FUT9: variants seen among roughly 807,000 people sequenced by gnomAD.
FUT9 encodes fucosyltransferase 9.
Under a neutral mutation model 29.7 loss-of-function variants are expected in FUT9, and 15 were observed. That is an observed-to-expected ratio of 0.51 (90% CI 0.34 to 0.78). FUT9 has a LOEUF of 0.78. Among genes scored for constraint, FUT9 ranks in the 30% least tolerant of loss-of-function variants. The pLI is 0.01. For missense variants in FUT9, 319 were observed against 425.4 expected, an observed-to-expected ratio of 0.75 and a Z score of 2.20; for synonymous variants, 169 against 153.7, an observed-to-expected ratio of 1.10 and a Z score of -0.74.
intron 1 of FUT9, among the ~76,000 whole-genome samples, chr6:96,065,039 A>C (rs1389257221): frequency 6.6e-6 from 1 of 152,198 alleles, no homozygotes; most frequent in African/African-American, 2.4e-5. Flanking sequence ...CAAGAAATCT[A>C]TATTTTTAGT....
At chr6:96,183,559 G>C (rs932438130) in intron 2 of FUT9, among the ~76,000 whole-genome samples, 1 of 152,040 alleles carries the variant, frequency 6.6e-6, no homozygotes, top group Non-Finnish European at 1.5e-5. Flanking sequence ...TCCCCATTCA[G>C]TATTACATTG....
At chr6:96,199,749 A>T in intron 2 of FUT9, among the ~76,000 whole-genome samples, 1 of 152,174 alleles carries the variant, frequency 6.6e-6, no homozygotes, top group East Asian at 1.9e-4. Flanking sequence ...GTATTCATTC[A>T]TTCACATTTG....
intron 1 of FUT9, among the ~76,000 whole-genome samples, chr6:96,025,203 T>C (rs1770143061): frequency 1.3e-5 from 2 of 151,816 alleles, no homozygotes; most frequent in South Asian, 2.1e-4. Context: ...GCCTACCCAG[T>C]GCAAATCTTA....
chr6:96,084,207 C>A (rs1196363650), intron 1 of FUT9, among the ~76,000 whole-genome samples: 1 of 152,034 alleles, frequency 6.6e-6, no homozygotes, highest in African/African-American at 2.4e-5. Context: ...TCTAGAAGAT[C>A]ATATCTCTTT....
chr6:96,187,312 C>G (rs1050439490), intron 2 of FUT9, among the ~76,000 whole-genome samples: 3 of 152,102 alleles, frequency 2.0e-5, no homozygotes, highest in Non-Finnish European at 2.9e-5. Context: ...TTCAGATAGT[C>G]AGTTTTCCAA....
chr6:96,180,014 A>G (rs1773276450), intron 2 of FUT9, among the ~76,000 whole-genome samples: 1 of 152,124 alleles, frequency 6.6e-6, no homozygotes, highest in South Asian at 2.1e-4. Flanking sequence ...GAGGTGACCT[A>G]TTGCTCGATG....
At chr6:96,120,505 G>A (rs12524072) in intron 2 of FUT9, among the ~76,000 whole-genome samples, 39,117 of 147,672 alleles carry the variant, frequency 0.26, 6,126 homozygotes, top group Non-Finnish European at 0.34. Flanking sequence ...GGATGGTCTC[G>A]ATCTCCTGAC....
At chr6:96,038,905 T>G (rs1428385074) in intron 1 of FUT9, among the ~76,000 whole-genome samples, 1 of 152,092 alleles carries the variant, frequency 6.6e-6, no homozygotes, top group Non-Finnish European at 1.5e-5. Context: ...GCACAGAATA[T>G]CCTCTTTGGC....
At chr6:96,120,269 CTTTTTTTT>C (rs11347804) in intron 2 of FUT9, among the ~76,000 whole-genome samples, 1 of 91,468 alleles carries the variant, frequency 1.1e-5, no homozygotes, top group African/African-American at 4.0e-5. Context: ...TTTTTTCTTT[CTTTTTTTT>C]TTTTTTTTTT....
At chr6:96,063,812 C>T (rs917546313) in intron 1 of FUT9, among the ~76,000 whole-genome samples, 2 of 152,096 alleles carry the variant, frequency 1.3e-5, no homozygotes, top group Admixed American at 6.6e-5. Context: ...CTATACCCTG[C>T]GCACCAGGCA....
At chr6:96,069,628 TTTTTTA>T (rs1212641597) in intron 1 of FUT9, among the ~76,000 whole-genome samples, 2,226 of 35,988 alleles carry the variant, frequency 0.062, 28 homozygotes, top group South Asian at 0.26. Flanking sequence ...TATTTTTTTA[TTTTTTA>T]TTTTATTTTT....
chr6:96,153,457 A>T (rs1221399598), intron 2 of FUT9, among the ~76,000 whole-genome samples: 1 of 152,214 alleles, frequency 6.6e-6, no homozygotes, highest in African/African-American at 2.4e-5. Context: ...GATTCTCTTG[A>T]GTAGACAATG....
chr6:96,167,332 A>G (rs1293527270), intron 2 of FUT9, among the ~76,000 whole-genome samples: 1 of 152,180 alleles, frequency 6.6e-6, no homozygotes, highest in Non-Finnish European at 1.5e-5. Flanking sequence ...TATGTGTAGA[A>G]ATCAATAAAG....
chr6:96,061,015 A>G (rs965212638), intron 1 of FUT9, among the ~76,000 whole-genome samples: 3 of 152,148 alleles, frequency 2.0e-5, no homozygotes, highest in African/African-American at 7.2e-5. Context: ...CAAATACATA[A>G]GCCTGTTATT....
chr6:96,204,737 T>C lies in FUT9; in HGVS notation c.*502T>C, dbSNP rs1157252187. ...GAATGAAGTGTATAACTGTCTCTAT[T>C]TGATCTATTTTTTTTACCTGTTTAT... On this transcript the variant is annotated 3_prime_UTR_variant, in exon 3 of 3. Transcript: ENST00000302103. 6.0e-6 allele frequency: 1 copy of C among 166,902 alleles called. No individual in the cohort carries two copies. The highest frequency in any genetic ancestry group is 1.5e-5 in the Non-Finnish European group (1 of 68,116). 10.3% of individuals were successfully genotyped at this position (166,902 alleles called of 1,614,324 possible). A position where few individuals can be genotyped will look rare whatever the true frequency, so the allele number is the denominator to read the frequency against.
chr6:96,139,188 G>A (rs1772414702), intron 2 of FUT9, among the ~76,000 whole-genome samples: 1 of 152,082 alleles, frequency 6.6e-6, no homozygotes, highest in African/African-American at 2.4e-5. Context: ...GGAGAAAATG[G>A]CCAAAATGAA....
intron 1 of FUT9, among the ~76,000 whole-genome samples, chr6:96,043,311 A>C (rs1770502596): frequency 6.6e-6 from 1 of 152,214 alleles, no homozygotes. Flanking sequence ...TCGGGTCCCA[A>C]AGTGCTGGGA....
intron 1 of FUT9, among the ~76,000 whole-genome samples, chr6:96,016,728 C>T (rs763849813): frequency 6.6e-6 from 1 of 152,138 alleles, no homozygotes; most frequent in Non-Finnish European, 1.5e-5. Context: ...TTAGTGAATT[C>T]TGACCTCATT....
chr6:96,073,207 T>C (rs147998498), intron 1 of FUT9, among the ~76,000 whole-genome samples: 48 of 152,176 alleles, frequency 3.2e-4, no homozygotes, highest in African/African-American at 1.1e-3. Context: ...TCTCAGCACT[T>C]TGGGGGGCCA....
Sources: gnomAD v4.1 joint callset for allele counts (sites outside exome capture counted in the v4.1 genomes callset) on GRCh38, gnomAD v4.1.1 for gene constraint, MANE v1.5 for transcripts, NCBI Gene and HGNC (gene_info 2026-07-23, HGNC 2026-07-21) for gene names.